Variants in ATRX observed in about 807,000 individuals in gnomAD.
ATRX encodes the protein ATRX chromatin remodeler, also known as chromatin remodeler ATRX.
In ATRX, 12 loss-of-function variants were observed where a neutral mutation model predicts 172.6. That is an observed-to-expected ratio of 0.07 (90% CI 0.04 to 0.11). The LOEUF (loss-of-function observed/expected upper bound fraction) is 0.11, where lower values mean the gene tolerates loss of function less well. Ranked by LOEUF, ATRX falls within the 10% of genes least tolerant of loss-of-function variation. The pLI, the probability that ATRX is intolerant of heterozygous loss-of-function variation, is 1.00. For synonymous variants in ATRX, 674 were observed against 594.7 expected (o/e 1.13, Z -1.94); for missense variants, 1,368 against 1,767.4 (o/e 0.77, Z 4.05).
At chrX:77,629,959 C>T (rs782487442) in intron 19 of ATRX, among the ~76,000 whole-genome samples, 4 of 112,190 alleles carry the variant, frequency 3.6e-5, no homozygotes, top group African/African-American at 6.5e-5. Flanking sequence ...AACTAAATCG[C>T]GTGCGTGCGC....
At chrX:77,591,142 A>C (rs1355893674) in intron 26 of ATRX, among the ~76,000 whole-genome samples, 1 of 112,022 alleles carries the variant, frequency 8.9e-6, no homozygotes. Flanking sequence ...AAATAAAATA[A>C]ATTATAAAAG....
chrX:77,671,167 A>ATATAT (rs1557129938), intron 10 of ATRX, among the ~76,000 whole-genome samples: 20 of 15,728 alleles, frequency 1.3e-3, no homozygotes, highest in African/African-American at 4.3e-3. Context: ...AAAAAAAAAA[A>ATATAT]ATATATATAT....
intron 27 of ATRX, among the ~76,000 whole-genome samples, chrX:77,587,551 A>G (rs1342370742): frequency 8.9e-6 from 1 of 112,185 alleles, no homozygotes; most frequent in Non-Finnish European, 1.9e-5. Context: ...GATTAGAGAC[A>G]AGACAAGGAT....
chrX:77,772,389 T>TGGGA (rs1289272651), intron 1 of ATRX, among the ~76,000 whole-genome samples: 3 of 104,628 alleles, frequency 2.9e-5, no homozygotes, highest in Non-Finnish European at 3.9e-5. Flanking sequence ...CCCAGTACTT[T>TGGGA]GGGAGGCCGA....
chrX:77,639,729 A>C (rs1047092468), intron 15 of ATRX, among the ~76,000 whole-genome samples: 1 of 112,356 alleles, frequency 8.9e-6, no homozygotes, highest in Non-Finnish European at 1.9e-5. Flanking sequence ...ATGTAGGAGG[A>C]GATAAGTTAA....
intron 1 of ATRX, among the ~76,000 whole-genome samples, chrX:77,775,834 A>G (rs1374128108): frequency 2.7e-5 from 3 of 110,824 alleles, no homozygotes; most frequent in Admixed American, 2.0e-4. Flanking sequence ...TCCCGGCTTC[A>G]AGCAATTTTG....
chrX:77,718,962 A>T (rs2073599589), intron 1 of ATRX, among the ~76,000 whole-genome samples: 1 of 109,503 alleles, frequency 9.1e-6, no homozygotes, highest in Non-Finnish European at 1.9e-5. Context: ...TCTTAGCTAA[A>T]TTTTTTCTTT....
At chrX:77,661,460 A>G (rs1419000700) in intron 12 of ATRX, among the ~76,000 whole-genome samples, 1 of 82,084 alleles carries the variant, frequency 1.2e-5, no homozygotes, top group Non-Finnish European at 2.7e-5. Context: ...AAATAAATAC[A>G]GTAATTGAAA....
Position 77,786,032 on chromosome X carries a change from T to G in ATRX, c.-31A>C. 7 of 1,184,651 alleles carry G rather than the reference T, an allele frequency of 5.9e-6. No individual in the cohort carries two copies. Among genetic ancestry groups the G allele is most frequent in the Non-Finnish European group, 7.9e-6 (7 of 881,716 alleles). On this transcript the variant is annotated 5_prime_UTR_variant, in exon 1 of 35. Transcript: ENST00000373344. The stretch of plus-strand genomic sequence containing the variant: ...CGCTTGAACGCCTTGTCGGCTTCTG[T>G]GATTGCTGGGCGCCGATCTGCGCTC...
At chrX:77,760,085 G>GT (rs199784257) in intron 1 of ATRX, among the ~76,000 whole-genome samples, 2,563 of 110,347 alleles carry the variant, frequency 0.023, 74 homozygotes, top group African/African-American at 0.081. Flanking sequence ...TATTTTACAT[G>GT]TTTTTAATAC....
intron 15 of ATRX, among the ~76,000 whole-genome samples, chrX:77,644,447 A>G (rs2068807764): frequency 8.9e-6 from 1 of 112,433 alleles, no homozygotes; most frequent in Non-Finnish European, 1.9e-5. Context: ...TTGCCAAGTT[A>G]CAACAGTCAA....
At chrX:77,512,634 C>T (rs1262739974) in intron 34 of ATRX, among the ~76,000 whole-genome samples, 1 of 112,051 alleles carries the variant, frequency 8.9e-6, no homozygotes, top group African/African-American at 3.2e-5. Context: ...TTTGGGAGGC[C>T]AAGGTGGATG....
intron 19 of ATRX, among the ~76,000 whole-genome samples, chrX:77,625,395 G>A (rs1557102317): frequency 8.9e-6 from 1 of 112,271 alleles, no homozygotes; most frequent in East Asian, 2.8e-4. Context: ...TAAATAGCCG[G>A]GACCTAATTA....
intron 1 of ATRX, among the ~76,000 whole-genome samples, chrX:77,762,747 T>C (rs1269736256): frequency 1.8e-5 from 2 of 110,271 alleles, no homozygotes; most frequent in Non-Finnish European, 3.8e-5. Context: ...AAGAGTAAAA[T>C]GTTAAAGGTA....
At chrX:77,763,595 C>T (rs2075802220) in intron 1 of ATRX, among the ~76,000 whole-genome samples, 1 of 108,393 alleles carries the variant, frequency 9.2e-6, no homozygotes, top group Admixed American at 9.9e-5. Context: ...CTCGGCCTCC[C>T]GAGTAGCTAG....
At chrX:77,547,361 G>A (rs781944712) in intron 30 of ATRX, among the ~76,000 whole-genome samples, 2 of 111,618 alleles carry the variant, frequency 1.8e-5, no homozygotes, top group African/African-American at 3.2e-5. Context: ...GCTTGCCAGC[G>A]TTAGGGAGGC....
chrX:77,550,155 G>C (rs1557055218), intron 30 of ATRX, among the ~76,000 whole-genome samples: 1 of 111,415 alleles, frequency 9.0e-6, no homozygotes, highest in East Asian at 2.8e-4. Context: ...TGCTTGAAAA[G>C]TAAGTCTAAT....
intron 1 of ATRX, among the ~76,000 whole-genome samples, chrX:77,746,862 C>T (rs1376630755): frequency 1.8e-5 from 2 of 111,096 alleles, no homozygotes; most frequent in African/African-American, 3.3e-5. Flanking sequence ...TGCAGTGGCG[C>T]GATCTCGGCT....
intron 21 of ATRX, 105 bp from the exon 22 acceptor site, chrX:77,616,835 C>A: frequency 1.8e-6 from 1 of 556,454 alleles, no homozygotes; most frequent in Non-Finnish European, 3.0e-6. Flanking sequence ...AATAAATAGG[C>A]ACTAAACATA....
Sources: gnomAD v4.1 joint callset for allele counts (sites outside exome capture counted in the v4.1 genomes callset) on GRCh38, gnomAD v4.1.1 for gene constraint, MANE v1.5 for transcripts, NCBI Gene and HGNC (gene_info 2026-07-23, HGNC 2026-07-21) for gene names.